Variants in YES1 observed in about 807,000 individuals in gnomAD.
YES1 encodes YES proto-oncogene 1, Src family tyrosine kinase.
YES1 carries 39 observed loss-of-function variants against 70.4 expected under a neutral mutation model. The observed-to-expected ratio is 0.55, with a 90% CI of 0.43 to 0.72. The LOEUF (loss-of-function observed/expected upper bound fraction) is 0.72, where lower values mean the gene tolerates loss of function less well. Among genes scored for constraint, YES1 ranks in the 30% least tolerant of loss-of-function variants. The pLI, the probability that YES1 is intolerant of heterozygous loss-of-function variation, is 0.00. For synonymous variants in YES1, 198 were observed against 218.6 expected, an observed-to-expected ratio of 0.91 and a Z score of 0.83; for missense variants, 495 against 644.8, an observed-to-expected ratio of 0.77 and a Z score of 2.52.
chr18:779,274 CA>C (rs1163660343), intron 1 of YES1, among the ~76,000 whole-genome samples: 1 of 151,800 alleles, frequency 6.6e-6, no homozygotes, highest in Non-Finnish European at 1.5e-5. Context: ...CATGGTGGTA[CA>C]CACCTGTAGT....
intron 1 of YES1, among the ~76,000 whole-genome samples, chr18:765,399 CTTTTTT>C (rs1160937016): frequency 4.0e-5 from 5 of 123,482 alleles, no homozygotes; most frequent in Non-Finnish European, 6.8e-5. Context: ...TAATTTAACA[CTTTTTT>C]TTTTTTTTTT....
chr18:736,985 C>A, intron 9 of YES1, 24 bp from the exon 10 acceptor site: 1 of 1,579,322 alleles, frequency 6.3e-7, no homozygotes, highest in Non-Finnish European at 8.6e-7. Context: ...AAACAAAAAA[C>A]ACAAGACATA....
chr18:735,012 C>G (rs2080135913), intron 10 of YES1, among the ~76,000 whole-genome samples: 1 of 151,994 alleles, frequency 6.6e-6, no homozygotes, highest in African/African-American at 2.4e-5. Flanking sequence ...CAAAAATTAG[C>G]CGGGCCTGGT....
intron 11 of YES1, among the ~76,000 whole-genome samples, chr18:726,680 C>T (rs1402086845): frequency 7.1e-6 from 1 of 141,808 alleles, no homozygotes; most frequent in Non-Finnish European, 1.5e-5. Context: ...ACTCGGGAGG[C>T]TGAGGCAGGA....
chr18:793,641 T>C (rs1356720755), intron 1 of YES1, among the ~76,000 whole-genome samples: 2 of 152,194 alleles, frequency 1.3e-5, no homozygotes, highest in African/African-American at 2.4e-5. Flanking sequence ...CTGACCTGCA[T>C]GATCCCTTAT....
At chr18:767,044 T>C (rs1314807572) in intron 1 of YES1, among the ~76,000 whole-genome samples, 1 of 152,124 alleles carries the variant, frequency 6.6e-6, no homozygotes, top group African/African-American at 2.4e-5. Context: ...GAAGATTTTC[T>C]ACATGTTCAT....
chr18:765,477 C>G (rs965302532), intron 1 of YES1, among the ~76,000 whole-genome samples: 2 of 147,148 alleles, frequency 1.4e-5, no homozygotes, highest in African/African-American at 2.5e-5. Flanking sequence ...TGGCTCAGTG[C>G]AACCTCCCGC....
chr18:725,089 T>G (rs1460682109), intron 11 of YES1, among the ~76,000 whole-genome samples: 1 of 152,226 alleles, frequency 6.6e-6, no homozygotes, highest in African/African-American at 2.4e-5. Context: ...ATTGAATTAC[T>G]TCTGTGAAAG....
chr18:757,725 G>C (rs1030689025), intron 1 of YES1, among the ~76,000 whole-genome samples: 3 of 151,750 alleles, frequency 2.0e-5, no homozygotes, highest in Non-Finnish European at 4.4e-5. Context: ...GGGAGGCTGA[G>C]GCATGAGAAT....
chr18:782,838 G>T (rs1020873007), intron 1 of YES1, among the ~76,000 whole-genome samples: 13 of 152,144 alleles, frequency 8.5e-5, no homozygotes, highest in African/African-American at 2.9e-4. Context: ...GGGATTACTG[G>T]TGTGCACCAC....
intron 1 of YES1, among the ~76,000 whole-genome samples, chr18:761,554 T>TA (rs1904595526): frequency 1.3e-5 from 2 of 152,132 alleles, no homozygotes; most frequent in African/African-American, 4.8e-5. Flanking sequence ...CCTTTACCCA[T>TA]AACCATCTTA....
At chr18:809,688 G>C (rs1485090842) in intron 1 of YES1, among the ~76,000 whole-genome samples, 1 of 152,024 alleles carries the variant, frequency 6.6e-6, no homozygotes, top group Non-Finnish European at 1.5e-5. Context: ...GATAGCCTAG[G>C]TAGTGTTCGA....
chr18:793,216 T>G (rs909876618), intron 1 of YES1, among the ~76,000 whole-genome samples: 1 of 152,070 alleles, frequency 6.6e-6, no homozygotes, highest in Non-Finnish European at 1.5e-5. Flanking sequence ...ATTTTTTGTA[T>G]TTTTAGTAGA....
chr18:771,209 A>G (rs146852101), intron 1 of YES1, among the ~76,000 whole-genome samples: 27 of 152,152 alleles, frequency 1.8e-4, no homozygotes, highest in African/African-American at 6.5e-4. Flanking sequence ...TCTACTAAAA[A>G]TACAAAAATA....
chr18:793,886 T>C (rs985443730), intron 1 of YES1, among the ~76,000 whole-genome samples: 1 of 152,006 alleles, frequency 6.6e-6, no homozygotes, highest in Non-Finnish European at 1.5e-5. Flanking sequence ...CACTAACAGA[T>C]TACAACTAGT....
At chr18:807,443 G>A (rs1321161875) in intron 1 of YES1, among the ~76,000 whole-genome samples, 1 of 152,162 alleles carries the variant, frequency 6.6e-6, no homozygotes, top group Non-Finnish European at 1.5e-5. Flanking sequence ...AGGCTGCGGT[G>A]AGCTGTGACT....
chr18:733,777 C>T (rs1272119535), intron 10 of YES1, among the ~76,000 whole-genome samples: 15 of 77,054 alleles, frequency 1.9e-4, no homozygotes, highest in African/African-American at 6.8e-4. Flanking sequence ...AGTGAGACTC[C>T]GTCTCAAAAA....
intron 1 of YES1, among the ~76,000 whole-genome samples, chr18:788,342 GACCTAAAAATTA>G (rs1178023968): frequency 2.0e-5 from 3 of 152,088 alleles, no homozygotes; most frequent in African/African-American, 7.2e-5. Context: ...TCCTTAGGAT[GACCTAAAAATTA>G]AAACCAGAAC....
At chr18:743,740 T>C (rs1174375649) in intron 6 of YES1, among the ~76,000 whole-genome samples, 1 of 151,852 alleles carries the variant, frequency 6.6e-6, no homozygotes, top group African/African-American at 2.4e-5. Context: ...ACACTGTCTC[T>C]ACTAAAAATA....
Sources: allele counts gnomAD v4.1 joint callset (sites outside exome capture counted in the v4.1 genomes callset), GRCh38; gene constraint gnomAD v4.1.1; transcripts MANE v1.5; gene names NCBI Gene and HGNC (gene_info 2026-07-23, HGNC 2026-07-21).